Variants in ITPR2 observed in about 807,000 individuals in gnomAD.
The protein encoded by ITPR2 is inositol 1,4,5-trisphosphate receptor type 2, also known as inositol 1,4,5-trisphosphate-gated calcium channel ITPR2.
In ITPR2, 207 loss-of-function variants were observed where a neutral mutation model predicts 317.1. The ratio of observed to expected loss-of-function variants is 0.65; its 90% CI spans 0.58 to 0.73. ITPR2 has a LOEUF of 0.73. ITPR2 is among the 30% of genes least tolerant of loss of function. The pLI, the probability that ITPR2 is intolerant of heterozygous loss-of-function variation, is 0.00. For missense variants in ITPR2, 2,613 were observed against 3,284.0 expected (o/e 0.80, Z 4.99); for synonymous variants, 1,156 against 1,149.1 (o/e 1.01, Z -0.12).
At chr12:26,413,840 C>T (rs1436802138) in intron 51 of ITPR2, among the ~76,000 whole-genome samples, 1 of 152,052 alleles carries the variant, frequency 6.6e-6, no homozygotes, top group Non-Finnish European at 1.5e-5. Context: ...ATGTTCATAA[C>T]ACAATGATAA....
intron 2 of ITPR2, among the ~76,000 whole-genome samples, chr12:26,771,089 A>T (rs1949832440): frequency 6.6e-6 from 1 of 152,132 alleles, no homozygotes; most frequent in Admixed American, 6.5e-5. Context: ...ATCCAAGGCG[A>T]TCTCATCTCA....
rs1565641146 is a variant in ITPR2, at chr12:26,613,493, CATT to C, written c.3462+7627_3462+7629del. Among the ~76,000 whole-genome samples, 14 of 152,228 alleles carry C rather than the reference CATT, an allele frequency of 9.2e-5. 1 individual carries two copies. In the South Asian group the frequency reaches 2.7e-3, roughly 29 times the overall value. ...CAGAGCAATAATCAAGCACTAGACT[CATT>C]GTTGGCTCTGACGGCATCAGTCCAT... On this transcript the variant is annotated intron_variant, in intron 26 of 56. Coordinates refer to ENST00000381340, the MANE Select transcript of ITPR2 (RefSeq NM_002223.4).
chr12:26,472,877 GT>G (rs1235949897), intron 45 of ITPR2, among the ~76,000 whole-genome samples: 1 of 149,276 alleles, frequency 6.7e-6, no homozygotes, highest in Admixed American at 6.6e-5. Flanking sequence ...GTTTTTTTTT[GT>G]TTTTTGTTTG....
rs537218617 is a variant in ITPR2 at position 26,719,676 on chromosome 12, A to C, written c.525+2721T>G. Reference sequence around the variant, plus strand: ...GTGCAGGTTTGTTACATATGTATACATGTGTCATGTTGGTGTGCTGCACCC... The same window carrying C: ...GTGCAGGTTTGTTACATATGTATACCTGTGTCATGTTGGTGTGCTGCACCC... On this transcript the variant is annotated intron_variant, in intron 5 of 56. Coordinates refer to ENST00000381340, the MANE Select transcript of ITPR2 (RefSeq NM_002223.4). 6.6e-5 allele frequency among the ~76,000 whole-genome samples: 10 copies of C among 152,280 alleles called. No homozygotes were observed. The South Asian group carries it at 2.1e-3, about 32-fold the overall frequency.
chr12:26,770,505 G>A (rs1179786821), intron 2 of ITPR2, among the ~76,000 whole-genome samples: 2 of 152,166 alleles, frequency 1.3e-5, no homozygotes, highest in East Asian at 3.8e-4. Flanking sequence ...AGTCTCTTGA[G>A]TTTAAAGGCA....
chr12:26,566,106 G>A (rs1219365554), intron 34 of ITPR2, among the ~76,000 whole-genome samples: 2 of 132,846 alleles, frequency 1.5e-5, no homozygotes, highest in African/African-American at 2.9e-5. Flanking sequence ...AGAAGGTGAG[G>A]AAAGGAGAAG....
intron 55 of ITPR2, among the ~76,000 whole-genome samples, chr12:26,351,117 G>A (rs1938468797): frequency 6.6e-6 from 1 of 152,226 alleles, no homozygotes; most frequent in Non-Finnish European, 1.5e-5. Context: ...AGGACTCTAG[G>A]ATGAGTGACC....
chr12:26,485,520 C>A (rs1407480000), intron 41 of ITPR2, among the ~76,000 whole-genome samples: 1 of 152,110 alleles, frequency 6.6e-6, no homozygotes, highest in Non-Finnish European at 1.5e-5. Flanking sequence ...AAAAAAGAGG[C>A]CAAAATTCAG....
intron 35 of ITPR2, among the ~76,000 whole-genome samples, chr12:26,561,547 T>A (rs1944818644): frequency 6.6e-6 from 1 of 152,122 alleles, no homozygotes; most frequent in Non-Finnish European, 1.5e-5. Context: ...TACTATACTA[T>A]CAAAACAGAG....
chr12:26,455,142 C>T (rs529078414), intron 45 of ITPR2, among the ~76,000 whole-genome samples: 4 of 151,768 alleles, frequency 2.6e-5, no homozygotes, highest in South Asian at 4.2e-4. Context: ...ATCTGAAGTG[C>T]GCAAATTAGC....
At chr12:26,692,182 T>C (rs1056416785) in intron 10 of ITPR2, among the ~76,000 whole-genome samples, 2 of 152,194 alleles carry the variant, frequency 1.3e-5, no homozygotes, top group Non-Finnish European at 2.9e-5. Flanking sequence ...CCCTGGTTCC[T>C]GGAACATTTC....
chr12:26,378,768 T>A (rs1939419180), intron 55 of ITPR2, among the ~76,000 whole-genome samples: 1 of 152,240 alleles, frequency 6.6e-6, no homozygotes, highest in South Asian at 2.1e-4. Flanking sequence ...TTTTTCTTTC[T>A]CGCCTGCAAT....
chr12:26,546,798 C>T (rs768283498), intron 37 of ITPR2, among the ~76,000 whole-genome samples: 10 of 151,756 alleles, frequency 6.6e-5, no homozygotes, highest in Non-Finnish European at 1.2e-4. Flanking sequence ...AGAACTTACA[C>T]TGGGGAAAGA....
intron 23 of ITPR2, 75 bp from the exon 24 acceptor site, chr12:26,624,431 T>C (rs558957425): frequency 5.0e-5 from 51 of 1,010,154 alleles, no homozygotes; most frequent in South Asian, 3.3e-4. Flanking sequence ...TTAATATCAA[T>C]TGATGTGAAA....
At chr12:26,740,194 G>A (rs992103147) in intron 2 of ITPR2, among the ~76,000 whole-genome samples, 2 of 152,114 alleles carry the variant, frequency 1.3e-5, no homozygotes, top group African/African-American at 4.8e-5. Flanking sequence ...GAAAAGAATA[G>A]CCTGGAATAT....
chr12:26,770,964 G>A (rs966568755), intron 2 of ITPR2, among the ~76,000 whole-genome samples: 4 of 152,090 alleles, frequency 2.6e-5, no homozygotes, highest in Non-Finnish European at 4.4e-5. Context: ...AGTCCTCCTC[G>A]GCTTATGGCA....
chr12:26,420,875 GTAAT>G (rs1274003827), intron 49 of ITPR2, among the ~76,000 whole-genome samples: 9 of 151,952 alleles, frequency 5.9e-5, no homozygotes, highest in South Asian at 2.1e-4. Flanking sequence ...GTCATATTCA[GTAAT>G]TATTTAAATT....
chr12:26,540,810 GAA>G (rs1292572157), intron 37 of ITPR2, among the ~76,000 whole-genome samples: 1 of 152,202 alleles, frequency 6.6e-6, no homozygotes, highest in South Asian at 2.1e-4. Context: ...CCCAGCAACT[GAA>G]AAGAGTAAAT....
intron 2 of ITPR2, among the ~76,000 whole-genome samples, chr12:26,761,193 C>G (rs1224024689): frequency 6.6e-6 from 1 of 152,206 alleles, no homozygotes; most frequent in Admixed American, 6.5e-5. Flanking sequence ...ACCTACTGAC[C>G]CAGGCACCAG....
Sources: allele counts gnomAD v4.1 joint callset (sites outside exome capture counted in the v4.1 genomes callset), GRCh38; gene constraint gnomAD v4.1.1; transcripts MANE v1.5; gene names NCBI Gene and HGNC (gene_info 2026-07-23, HGNC 2026-07-21).